The following GABRB2 variants were observed in gnomAD, a reference collection of about 807,000 sequenced individuals.
The protein encoded by GABRB2 is gamma-aminobutyric acid type A receptor subunit beta2.
Under a neutral mutation model 54.7 loss-of-function variants are expected in GABRB2, and 16 were observed. That is an observed-to-expected ratio of 0.29 (90% CI 0.20 to 0.44). GABRB2 has a LOEUF of 0.44. Ranked by LOEUF, GABRB2 falls within the 20% of genes least tolerant of loss-of-function variation. GABRB2 has a pLI of 1.00. For missense variants in GABRB2, 355 were observed against 644.0 expected (o/e 0.55, Z 4.86); for synonymous variants, 244 against 233.8 (o/e 1.04, Z -0.40).
chr5:161,449,787 C>T (rs948193766), intron 4 of GABRB2, among the ~76,000 whole-genome samples: 3 of 151,884 alleles, frequency 2.0e-5, no homozygotes, highest in African/African-American at 7.3e-5. Context: ...CACACACACA[C>T]ATGCACACAC....
chr5:161,341,656 T>C (rs989066114), intron 5 of GABRB2, among the ~76,000 whole-genome samples: 3 of 151,660 alleles, frequency 2.0e-5, no homozygotes, highest in African/African-American at 7.2e-5. Context: ...ACATGTATTA[T>C]ATGTGATCTA....
intron 5 of GABRB2, among the ~76,000 whole-genome samples, chr5:161,386,339 T>C (rs1755630717): frequency 6.6e-6 from 1 of 152,076 alleles, no homozygotes; most frequent in Admixed American, 6.6e-5. Flanking sequence ...GTCCAGAAGC[T>C]AAAAAATGAA....
intron 2 of GABRB2, among the ~76,000 whole-genome samples, chr5:161,545,665 T>G (rs1760962169): frequency 1.3e-5 from 2 of 151,798 alleles, no homozygotes; most frequent in South Asian, 4.2e-4. Flanking sequence ...CACCCCCTTC[T>G]GTGCACAGGT....
intron 3 of GABRB2, among the ~76,000 whole-genome samples, chr5:161,496,968 A>C (rs1759268839): frequency 6.6e-6 from 1 of 152,144 alleles, no homozygotes; most frequent in African/African-American, 2.4e-5. Context: ...CATCAAACTC[A>C]TGATCCTCAG....
At chr5:161,499,163 C>G (rs1759352725) in intron 3 of GABRB2, among the ~76,000 whole-genome samples, 1 of 152,138 alleles carries the variant, frequency 6.6e-6, no homozygotes, top group Non-Finnish European at 1.5e-5. Flanking sequence ...ATTCCTTTGA[C>G]TCTGCCGGAC....
At chr5:161,547,578 G>T (rs531845829), upstream of GABRB2, among the ~76,000 whole-genome samples, 7 of 152,118 alleles carry the variant, frequency 4.6e-5, no homozygotes, top group Non-Finnish European at 7.4e-5. Flanking sequence ...CAGGAGGGGA[G>T]GGGGGCGAGG....
intron 6 of GABRB2, among the ~76,000 whole-genome samples, chr5:161,336,210 C>G (rs1390120718): frequency 6.6e-6 from 1 of 152,092 alleles, no homozygotes; most frequent in Non-Finnish European, 1.5e-5. Context: ...GTGAATTCCT[C>G]CCATTGTCTT....
At chr5:161,371,232 T>C (rs1034626634) in intron 5 of GABRB2, among the ~76,000 whole-genome samples, 2 of 152,116 alleles carry the variant, frequency 1.3e-5, no homozygotes, top group African/African-American at 4.8e-5. Flanking sequence ...CTTGAAAATA[T>C]ACTTTTAGAA....
At chr5:161,357,728 T>C (rs531752650) in intron 5 of GABRB2, among the ~76,000 whole-genome samples, 1 of 152,146 alleles carries the variant, frequency 6.6e-6, no homozygotes, top group Admixed American at 6.6e-5. Context: ...ATTTTATAAA[T>C]ATTTTGAAGA....
chr5:161,497,787 A>G (rs1759302774), intron 3 of GABRB2, among the ~76,000 whole-genome samples: 1 of 152,110 alleles, frequency 6.6e-6, no homozygotes, highest in Non-Finnish European at 1.5e-5. Context: ...GGAGACAGAG[A>G]GGCCTTGGGG....
chr5:161,352,389 A>T (rs944088971), intron 5 of GABRB2, among the ~76,000 whole-genome samples: 1 of 152,044 alleles, frequency 6.6e-6, no homozygotes, highest in Non-Finnish European at 1.5e-5. Flanking sequence ...CAAAAAAAAA[A>T]TCCTGTCATT....
intron 3 of GABRB2, among the ~76,000 whole-genome samples, chr5:161,537,792 C>T (rs2045568): frequency 0.43 from 65,635 of 151,870 alleles, 17,015 homozygotes; most frequent in South Asian, 0.6. Flanking sequence ...TTGAGCAAGA[C>T]ACAAAAATGG....
intron 3 of GABRB2, among the ~76,000 whole-genome samples, chr5:161,492,388 A>G (rs72813587): frequency 0.072 from 10,900 of 151,760 alleles, 542 homozygotes; most frequent in Middle Eastern, 0.1. Context: ...TTGATAAGTG[A>G]TCGTCTATGC....
intron 3 of GABRB2, among the ~76,000 whole-genome samples, chr5:161,525,292 G>A (rs1179011354): frequency 6.6e-6 from 1 of 151,284 alleles, no homozygotes; most frequent in East Asian, 1.9e-4. Flanking sequence ...TGATCATCAA[G>A]ATCATTGTTC....
rs1335063721 is a variant in GABRB2, at chr5:161,293,692, C to T, written c.*389G>A. On this transcript the variant is annotated 3_prime_UTR_variant, in exon 10 of 10. Coordinates refer to ENST00000393959, the MANE Select transcript of GABRB2 (RefSeq NM_001371727.1). ...TTTCATAAGGACAATGCCATCTCAA[C>T]AGCATGCCGACCTTAAAAAGGAAGA... 5.5e-6 allele frequency: 1 copy of T among 180,214 alleles called. No individual in the cohort carries two copies. The highest frequency in any genetic ancestry group is 2.4e-5 in the African/African-American group (1 of 42,220). The allele number at this position is 180,214 out of a possible 1,614,324, so 11.2% of individuals were successfully genotyped here. A position where few individuals can be genotyped will look rare whatever the true frequency, so the allele number is the denominator to read the frequency against.
At chr5:161,434,184 A>G (rs1757249634) in intron 4 of GABRB2, among the ~76,000 whole-genome samples, 2 of 152,198 alleles carry the variant, frequency 1.3e-5, no homozygotes, top group South Asian at 4.1e-4. Context: ...AACTGAGAAA[A>G]TGTTAATATT....
chr5:161,477,622 C>T (rs1758633795), intron 3 of GABRB2, among the ~76,000 whole-genome samples: 1 of 151,838 alleles, frequency 6.6e-6, no homozygotes, highest in Non-Finnish European at 1.5e-5. Flanking sequence ...GCATGTTTTT[C>T]AGCCTTAAAA....
chr5:161,388,956 T>TAGAA (rs1340404508), intron 5 of GABRB2, among the ~76,000 whole-genome samples: 2 of 151,978 alleles, frequency 1.3e-5, no homozygotes, highest in African/African-American at 4.8e-5. Context: ...TAAATATAAT[T>TAGAA]AGAAAGCTTT....
rs114845001 is a variant in GABRB2 at position 161,332,378 on chromosome 5, C to T, written c.833-1251G>A. On this transcript the variant is annotated intron_variant, in intron 7 of 9. Coordinates refer to ENST00000393959, the MANE Select transcript of GABRB2 (RefSeq NM_001371727.1). ...AATCATAGCCCTCATGTATATGGATCGGACAATTAGGCATATAATGCCTAG... is the reference window on the plus strand; with the variant it reads ...AATCATAGCCCTCATGTATATGGATTGGACAATTAGGCATATAATGCCTAG... Among the ~76,000 whole-genome samples, 402 of 152,108 alleles carry T rather than the reference C, an allele frequency of 2.6e-3. 4 individuals carry two copies. Among genetic ancestry groups the T allele is most frequent in the African/African-American group, 9.3e-3 (387 of 41,484 alleles).
Sources: gnomAD v4.1 joint callset for allele counts (sites outside exome capture counted in the v4.1 genomes callset) on GRCh38, gnomAD v4.1.1 for gene constraint, MANE v1.5 for transcripts, NCBI Gene and HGNC (gene_info 2026-07-23, HGNC 2026-07-21) for gene names.